The following TRPM3 variants were observed in gnomAD, a reference collection of about 807,000 sequenced individuals.
The protein encoded by TRPM3 is transient receptor potential cation channel subfamily M member 3, also known as long transient receptor potential channel 3.
A neutral mutation model predicts 181.2 loss-of-function variants in TRPM3; 77 were observed. That is an observed-to-expected ratio of 0.42 (90% CI 0.35 to 0.51). The LOEUF (loss-of-function observed/expected upper bound fraction) is 0.51, where lower values mean the gene tolerates loss of function less well. Among genes scored for constraint, TRPM3 ranks in the 20% least tolerant of loss-of-function variants. The pLI, the probability that TRPM3 is intolerant of heterozygous loss-of-function variation, is 0.01. For synonymous variants in TRPM3, 745 were observed against 796.4 expected (o/e 0.94, Z 1.09); for missense variants, 1,759 against 2,196.7 (o/e 0.80, Z 3.98).
chr9:70,989,921 T>C (rs1204189602), intron 1 of TRPM3, among the ~76,000 whole-genome samples: 7 of 152,170 alleles, frequency 4.6e-5, no homozygotes, highest in Non-Finnish European at 1.0e-4. Flanking sequence ...ACCTAACATT[T>C]ATTAAACACT....
At chr9:71,119,393 T>C (rs2073132208) in intron 1 of TRPM3, among the ~76,000 whole-genome samples, 1 of 151,940 alleles carries the variant, frequency 6.6e-6, no homozygotes, top group African/African-American at 2.4e-5. Context: ...ATTAACAATG[T>C]CTCCTGAAAG....
rs540157867 is a variant in TRPM3, at chr9:70,651,555, C to T, written c.1346-10895G>A. ...CACTCTTGTTTTTGCACATACTGTT[C>T]CAGACAAAGGAGAGAACTTTGCATC... On this transcript the variant is annotated intron_variant, in intron 9 of 25. Coordinates refer to ENST00000677713, the MANE Select transcript of TRPM3 (RefSeq NM_001366145.2). Among the ~76,000 whole-genome samples the T allele has an allele frequency of 3.9e-5, 6 of 152,224 alleles. No individual in the cohort carries two copies. The South Asian group carries it at 1.0e-3, about 26-fold the overall frequency.
intron 3 of TRPM3, among the ~76,000 whole-genome samples, chr9:70,856,130 A>G (rs1343355888): frequency 6.6e-6 from 1 of 152,200 alleles, no homozygotes; most frequent in East Asian, 1.9e-4. Context: ...TTTCTGCCAG[A>G]ATTATTTAGC....
At chr9:70,780,690 T>C (rs960322885) in intron 7 of TRPM3, among the ~76,000 whole-genome samples, 2 of 152,200 alleles carry the variant, frequency 1.3e-5, no homozygotes, top group Non-Finnish European at 2.9e-5. Context: ...CAGAGAAACA[T>C]TCTGCCTTCA....
chr9:71,390,405 A>G (rs1047515170), intron 1 of TRPM3, among the ~76,000 whole-genome samples: 5 of 152,020 alleles, frequency 3.3e-5, no homozygotes, highest in African/African-American at 1.2e-4. Flanking sequence ...TAACATTTGC[A>G]TTTCTAATTC....
At chr9:70,959,788 G>T (rs569879288) in intron 1 of TRPM3, among the ~76,000 whole-genome samples, 1 of 152,164 alleles carries the variant, frequency 6.6e-6, no homozygotes, top group East Asian at 1.9e-4. Flanking sequence ...TTTAGATTGC[G>T]TTATAATTTC....
chr9:70,738,962 G>C lies in TRPM3; in HGVS notation c.1272+22639C>G, dbSNP rs11507229. On this transcript the variant is annotated intron_variant, in intron 8 of 25. Coordinates refer to ENST00000677713, the MANE Select transcript of TRPM3 (RefSeq NM_001366145.2). ...GAAACTATGAACAGACCAATAACAA[G>C]CAGCAAGATTGAAATGGTAATAAAA... Among the ~76,000 whole-genome samples, 1,355 of 151,906 alleles carry C rather than the reference G, an allele frequency of 8.9e-3. 17 individuals are homozygous for C. The highest frequency in any genetic ancestry group is 0.031 in the African/African-American group (1,278 of 41,454).
chr9:71,279,168 G>A (rs1464509827), intron 1 of TRPM3, among the ~76,000 whole-genome samples: 1 of 152,196 alleles, frequency 6.6e-6, no homozygotes, highest in East Asian at 1.9e-4. Context: ...TAACAGATGG[G>A]CCTTTACTAC....
chr9:70,921,609 G>A (rs1304454867), intron 1 of TRPM3, among the ~76,000 whole-genome samples: 1 of 152,278 alleles, frequency 6.6e-6, no homozygotes, highest in East Asian at 1.9e-4. Context: ...TCTCTAAGTA[G>A]CTCAAAGAGT....
intron 1 of TRPM3, among the ~76,000 whole-genome samples, chr9:71,442,121 G>T (rs2094144032): frequency 6.6e-6 from 1 of 152,184 alleles, no homozygotes; most frequent in South Asian, 2.1e-4. Flanking sequence ...AAATGGACTT[G>T]CTTACTTGGC....
chr9:71,387,935 A>C lies in TRPM3; in HGVS notation c.183+58718T>G, dbSNP rs1475502416. ...TTTTCTACTCAATCATATATTGTGC[A>C]TATATTTCTACATCATCTACATTCT... On this transcript the variant is annotated intron_variant, in intron 1 of 24. Transcript: ENST00000357533. 2.0e-5 allele frequency among the ~76,000 whole-genome samples: 3 copies of C among 152,198 alleles called. No homozygotes were observed. The East Asian group carries it at 5.8e-4, about 29-fold the overall frequency.
Position 70,624,039 on chromosome 9 carries a change from G to C in TRPM3, c.1809+1152C>G, listed in dbSNP as rs548949529. Among the ~76,000 whole-genome samples, 3 of 152,102 alleles carry C rather than the reference G, an allele frequency of 2.0e-5. No individual in the cohort carries two copies. In the South Asian group the frequency reaches 6.2e-4, roughly 32 times the overall value. On this transcript the variant is annotated intron_variant, in intron 14 of 25. Coordinates refer to ENST00000677713, the MANE Select transcript of TRPM3 (RefSeq NM_001366145.2). ...CCAATGACAAAATTCAAACTTTTAA[G>C]AAAAAAATTGGGATTCTGGAAAACT...
At chr9:70,547,498 G>A (rs2045304745) in intron 25 of TRPM3, among the ~76,000 whole-genome samples, 2 of 146,442 alleles carry the variant, frequency 1.4e-5, no homozygotes, top group South Asian at 4.5e-4. Flanking sequence ...TGCAATTTCA[G>A]TGTTGAGAGA....
chr9:70,951,342 T>C (rs1404680888), intron 1 of TRPM3, among the ~76,000 whole-genome samples: 1 of 152,126 alleles, frequency 6.6e-6, no homozygotes, highest in Non-Finnish European at 1.5e-5. Flanking sequence ...ACAATTTTGA[T>C]TTTTTGTTTT....
At chr9:70,763,541 A>G (rs1486204918) in intron 7 of TRPM3, among the ~76,000 whole-genome samples, 3 of 152,166 alleles carry the variant, frequency 2.0e-5, no homozygotes, top group African/African-American at 7.2e-5. Flanking sequence ...GGTTGAAAAA[A>G]ATAATGCCAA....
chr9:71,411,494 G>A (rs112866577), intron 1 of TRPM3, among the ~76,000 whole-genome samples: 4,362 of 152,148 alleles, frequency 0.029, 195 homozygotes, highest in African/African-American at 0.098. Flanking sequence ...GTGAACTCCC[G>A]TTCACAATTG....
chr9:71,409,959 C>A (rs1249328258), intron 1 of TRPM3, among the ~76,000 whole-genome samples: 3 of 152,176 alleles, frequency 2.0e-5, no homozygotes, highest in African/African-American at 7.2e-5. Context: ...AAAACTCACT[C>A]AAAACTGCAC....
chr9:70,684,466 A>G (rs2134293682), intron 8 of TRPM3, among the ~76,000 whole-genome samples: 1 of 152,302 alleles, frequency 6.6e-6, no homozygotes, highest in African/African-American at 2.4e-5. Flanking sequence ...GGCTCCAAAG[A>G]GAAAGTTACA....
intron 8 of TRPM3, among the ~76,000 whole-genome samples, chr9:70,691,034 T>C (rs963702541): frequency 8.6e-5 from 13 of 152,018 alleles, no homozygotes; most frequent in African/African-American, 3.1e-4. Context: ...GGGAAGGAAA[T>C]TGGAGAAAAT....
Sources: gnomAD v4.1 joint callset for allele counts (sites outside exome capture counted in the v4.1 genomes callset) on GRCh38, gnomAD v4.1.1 for gene constraint, MANE v1.5 for transcripts, NCBI Gene and HGNC (gene_info 2026-07-23, HGNC 2026-07-21) for gene names.